PLCB4: variants seen among roughly 807,000 people sequenced by gnomAD.
PLCB4 encodes the protein 1-phosphatidylinositol 4,5-bisphosphate phosphodiesterase beta-4.
Under a neutral mutation model 178.8 loss-of-function variants are expected in PLCB4, and 77 were observed. That is an observed-to-expected ratio of 0.43 (90% CI 0.36 to 0.52). PLCB4 has a LOEUF of 0.52. Ranked by LOEUF, PLCB4 falls within the 20% of genes least tolerant of loss-of-function variation. PLCB4 has a pLI of 0.00. For missense variants in PLCB4, 1,024 were observed against 1,453.4 expected, an observed-to-expected ratio of 0.70 and a Z score of 4.80; for synonymous variants, 496 against 490.8, an observed-to-expected ratio of 1.01 and a Z score of -0.14.
At chr20:9,080,838 G>A (rs2090108468) in intron 1 of PLCB4, among the ~76,000 whole-genome samples, 1 of 152,184 alleles carries the variant, frequency 6.6e-6, no homozygotes, top group Admixed American at 6.5e-5. Flanking sequence ...TCAAATCAAA[G>A]TGTACAAAAC....
At chr20:9,090,731 C>T (rs986855785) in intron 1 of PLCB4, among the ~76,000 whole-genome samples, 5 of 151,926 alleles carry the variant, frequency 3.3e-5, no homozygotes, top group South Asian at 4.2e-4. Flanking sequence ...CCAAATGTTT[C>T]GGGGGTGGTG....
intron 36 of PLCB4, among the ~76,000 whole-genome samples, chr20:9,468,957 TTC>T (rs1477072936): frequency 1.3e-5 from 2 of 151,798 alleles, no homozygotes; most frequent in East Asian, 4.0e-4. Context: ...AATAATATAA[TTC>T]TTTTTTTTAT....
chr20:9,215,218 G>A (rs1261914880), intron 2 of PLCB4, among the ~76,000 whole-genome samples: 1 of 152,276 alleles, frequency 6.6e-6, no homozygotes, highest in East Asian at 1.9e-4. Context: ...GAAATACCTA[G>A]TGGTTTTCAA....
chr20:9,425,659 A>G (rs965743949), intron 28 of PLCB4, among the ~76,000 whole-genome samples: 1 of 152,230 alleles, frequency 6.6e-6, no homozygotes, highest in Admixed American at 6.5e-5. Context: ...ATTCTTTCCT[A>G]ACATGTCATT....
intron 24 of PLCB4, among the ~76,000 whole-genome samples, 191 bp downstream of exon 24, chr20:9,409,372 A>G (rs2039696638): frequency 6.6e-6 from 1 of 152,150 alleles, no homozygotes; most frequent in Admixed American, 6.5e-5. Context: ...CAATGGTAGA[A>G]GATAATGTGT....
At chr20:9,225,659 C>G (rs976235183) in intron 3 of PLCB4, among the ~76,000 whole-genome samples, 2 of 152,116 alleles carry the variant, frequency 1.3e-5, no homozygotes, top group African/African-American at 4.8e-5. Context: ...CTCACCTGTT[C>G]CACACACTCC....
At chr20:9,139,793 A>C (rs555966300) in intron 2 of PLCB4, among the ~76,000 whole-genome samples, 72 of 152,168 alleles carry the variant, frequency 4.7e-4, no homozygotes, top group Admixed American at 7.9e-4. Context: ...AGTGTTCGTC[A>C]TGAATTGCCT....
At position 9,453,413 on chromosome 20, in the gene PLCB4, G is replaced by A. The variant is rs1362893535; in HGVS notation, c.2947G>A (p.Glu983Lys). The A allele has an allele frequency of 6.2e-7, 1 of 1,612,858 alleles. No homozygotes were observed. Among genetic ancestry groups the A allele is most frequent in the Non-Finnish European group, 8.5e-7 (1 of 1,179,286 alleles). Residue 983 changes from glutamate (E) to lysine (K), a missense_variant, in exon 33 of 40, where the codon GAG becomes AAG. Around this residue, in one of 7 missense-constraint regions of PLCB4, gnomAD observed 264 missense variants for 283.2 expected, o/e 0.93. Transcript: ENST00000378473. ...VDKIVAQYDKEKSTHEKILEK... is the reference protein window; with the variant it reads ...VDKIVAQYDKKKSTHEKILEK... ...CAAAATTGTGGCACAGTATGACAAA[G>A]AGAAGTCGACTCATGAGAAAATCCT...
intron 2 of PLCB4, among the ~76,000 whole-genome samples, chr20:9,204,929 C>A (rs528960052): frequency 8.6e-5 from 13 of 151,482 alleles, no homozygotes; most frequent in Middle Eastern, 6.9e-3. Context: ...TTTAAAATTT[C>A]TGAATAATTT....
At chr20:9,197,422 A>G (rs1472749258) in intron 2 of PLCB4, among the ~76,000 whole-genome samples, 3 of 152,246 alleles carry the variant, frequency 2.0e-5, no homozygotes, top group Non-Finnish European at 1.5e-5. Context: ...GTATGAAAAA[A>G]TAATGTAAAA....
At chr20:9,127,628 G>T (rs1037146299) in intron 2 of PLCB4, among the ~76,000 whole-genome samples, 1 of 141,994 alleles carries the variant, frequency 7.0e-6, no homozygotes, top group Non-Finnish European at 1.5e-5. Flanking sequence ...TAAAAAAAAC[G>T]GTGGTAAAAT....
chr20:9,124,329 TA>T (rs1172054203), intron 2 of PLCB4, among the ~76,000 whole-genome samples: 1 of 151,704 alleles, frequency 6.6e-6, no homozygotes, highest in East Asian at 1.9e-4. Flanking sequence ...AAAAATAAAA[TA>T]AAAAAATAAA....
At chr20:9,384,604 A>T (rs1215946673) in intron 14 of PLCB4, among the ~76,000 whole-genome samples, 193 bp downstream of exon 14, 1 of 152,216 alleles carries the variant, frequency 6.6e-6, no homozygotes, top group Non-Finnish European at 1.5e-5. Flanking sequence ...TCAGTCATCC[A>T]AAAGACTTTA....
chr20:9,220,263 A>C (rs1202424568), intron 3 of PLCB4, among the ~76,000 whole-genome samples: 1 of 152,218 alleles, frequency 6.6e-6, no homozygotes, highest in Non-Finnish European at 1.5e-5. Flanking sequence ...GTGGCATTTT[A>C]GTTTGGAAGA....
intron 2 of PLCB4, 143 bp from the exon 3 acceptor site, chr20:9,217,247 A>C (rs1447545120): frequency 6.6e-6 from 1 of 152,172 alleles, no homozygotes; most frequent in African/African-American, 2.4e-5. Flanking sequence ...TTTGTTTGCA[A>C]CTTATGCCAC....
At chr20:9,443,048 A>G (rs534017346) in intron 30 of PLCB4, among the ~76,000 whole-genome samples, 1 of 152,290 alleles carries the variant, frequency 6.6e-6, no homozygotes, top group East Asian at 1.9e-4. Flanking sequence ...AAACTGTTTG[A>G]GGATCTGGCT....
At chr20:9,440,422 A>G (rs948428547) in intron 30 of PLCB4, among the ~76,000 whole-genome samples, 1 of 152,218 alleles carries the variant, frequency 6.6e-6, no homozygotes, top group African/African-American at 2.4e-5. Context: ...GCCCCAGCGC[A>G]TATCCCTAGC....
intron 1 of PLCB4, among the ~76,000 whole-genome samples, chr20:9,088,321 C>G (rs779119592): frequency 7.2e-5 from 11 of 152,054 alleles, no homozygotes; most frequent in Non-Finnish European, 1.0e-4. Context: ...CTGGCTTGGC[C>G]ATGTGTAGCA....
At chr20:9,123,826 A>G (rs1019270265) in intron 2 of PLCB4, among the ~76,000 whole-genome samples, 2 of 151,884 alleles carry the variant, frequency 1.3e-5, no homozygotes, top group African/African-American at 2.4e-5. Context: ...TTACAGATCT[A>G]TGTTGTATGT....
Sources: allele counts gnomAD v4.1 joint callset (sites outside exome capture counted in the v4.1 genomes callset), GRCh38; gene constraint gnomAD v4.1.1; regional missense constraint gnomAD v4.1.1; transcripts MANE v1.5; gene names NCBI Gene and HGNC (gene_info 2026-07-23, HGNC 2026-07-21).